ALDOB: variants seen among roughly 807,000 people sequenced by gnomAD.
ALDOB encodes fructose-bisphosphate aldolase B.
In ALDOB, 39 loss-of-function variants were observed where a neutral mutation model predicts 41.0. That is an observed-to-expected ratio of 0.95 (90% CI 0.74 to 1.24). The LOEUF (loss-of-function observed/expected upper bound fraction) is 1.24. ALDOB is among the 50% of genes most tolerant of loss of function. The probability of loss-of-function intolerance (pLI) is 0.00; values close to 1 mark genes in which losing one functional copy is unlikely to be tolerated. For missense variants in ALDOB, 530 were observed against 457.3 expected (o/e 1.16, Z -1.45); for synonymous variants, 175 against 168.8 (o/e 1.04, Z -0.28).
At position 101,430,798 on chromosome 9, in the gene ALDOB, G is replaced by A; in HGVS notation, c.90C>T (p.Ile30=). ...AQSIVANGKG[I]LAADESVGTM... ...CACCTACAGATTCATCTGCAGCCAG[G>A]ATCCCCTTTCCATTGGCAACAATGC... The change falls in exon 2 of 9, where the codon ATC becomes ATT. Residue 30 remains isoleucine (I), a synonymous_variant. Coordinates refer to ENST00000647789, the MANE Select transcript of ALDOB (RefSeq NM_000035.4). 6.2e-7 allele frequency: 1 copy of A among 1,613,666 alleles called. No homozygotes were observed. Among genetic ancestry groups the A allele is most frequent in the Non-Finnish European group, 8.5e-7 (1 of 1,179,566 alleles).
At chr9:101,428,632 A>T in intron 3 of ALDOB, 109 bp from the exon 4 acceptor site, 1 of 989,204 alleles carries the variant, frequency 1.0e-6, no homozygotes, top group Non-Finnish European at 1.6e-6. Flanking sequence ...TGAATTAGTA[A>T]AGTGTATTAG....
At chr9:101,423,821 C>A (rs1365527489) in intron 8 of ALDOB, among the ~76,000 whole-genome samples, 2 of 152,172 alleles carry the variant, frequency 1.3e-5, no homozygotes, top group Non-Finnish European at 2.9e-5. Flanking sequence ...TCCTATTTGG[C>A]TAAACTCCAA....
At chr9:101,428,155 A>G (rs543875011) in intron 4 of ALDOB, among the ~76,000 whole-genome samples, 2 of 152,216 alleles carry the variant, frequency 1.3e-5, no homozygotes, top group South Asian at 2.1e-4. Context: ...TCTAAAAATA[A>G]TACTTCCGGG....
chr9:101,420,682 G>C lies in ALDOB; in HGVS notation c.*1127C>G, dbSNP rs1401852383. ...TTTCTTAACCCATCAGTTTTAAGTAGTATTCCTGACTCTCTTTGCTTTCTT... is the reference window on the plus strand; with the variant it reads ...TTTCTTAACCCATCAGTTTTAAGTACTATTCCTGACTCTCTTTGCTTTCTT... On this transcript the variant is annotated 3_prime_UTR_variant, in exon 9 of 9. Transcript: ENST00000647789. The C allele has an allele frequency of 2.0e-5, 3 of 152,080 alleles. No individual in the cohort carries two copies. The highest frequency in any genetic ancestry group is 7.2e-5 in the African/African-American group (3 of 41,406). 9.4% of individuals were successfully genotyped at this position (152,080 alleles called of 1,614,324 possible). A position where few individuals can be genotyped will look rare whatever the true frequency, so the allele number is the denominator to read the frequency against.
chr9:101,429,702 C>T (rs1386924330), intron 3 of ALDOB, 53 bp downstream of exon 3: 12 of 1,544,438 alleles, frequency 7.8e-6, no homozygotes, highest in Non-Finnish European at 1.1e-5. Context: ...TGCCAGTGTG[C>T]TTGGAGTTTG....
At chr9:101,431,787 T>C (rs1470163621) in intron 1 of ALDOB, among the ~76,000 whole-genome samples, 1 of 152,094 alleles carries the variant, frequency 6.6e-6, no homozygotes, top group African/African-American at 2.4e-5. Flanking sequence ...AAAGAAAAAA[T>C]GGTAATGAAG....
chr9:101,433,446 G>A (rs1472600827), intron 1 of ALDOB, among the ~76,000 whole-genome samples: 1 of 152,194 alleles, frequency 6.6e-6, no homozygotes, highest in Non-Finnish European at 1.5e-5. Flanking sequence ...CAGGGTCACA[G>A]GCCAATGTTC....
At chr9:101,424,821 A>G (rs1295007407) in intron 8 of ALDOB, 22 bp downstream of exon 8, 19 of 1,611,866 alleles carry the variant, frequency 1.2e-5, no homozygotes, top group Non-Finnish European at 1.5e-5. Flanking sequence ...CATCAAGTAG[A>G]TAAGAGGTGG....
chr9:101,425,411 T>G, intron 7 of ALDOB, 42 bp downstream of exon 7: 2 of 1,607,992 alleles, frequency 1.2e-6, no homozygotes, highest in Non-Finnish European at 1.7e-6. Flanking sequence ...CTCCAAAGAA[T>G]GAGGGCTAAG....
At position 101,433,458 on chromosome 9, in the gene ALDOB, C is replaced by T. The variant is rs568060456; in HGVS notation, c.-11+2251G>A. Among the ~76,000 whole-genome samples the T allele has an allele frequency of 4.9e-4, 75 of 152,264 alleles. No individual in the cohort carries two copies. In the South Asian group the frequency reaches 0.011, roughly 22 times the overall value. On this transcript the variant is annotated intron_variant, in intron 1 of 8. Transcript: ENST00000647789. ...AAACAGGGTCACAGGCCAATGTTCA[C>T]CACAAGGAGACAGGAGGACAACCTG... is the stretch of plus-strand genomic sequence containing the variant.
chr9:101,429,043 C>T (rs1312357769), intron 3 of ALDOB, among the ~76,000 whole-genome samples: 3 of 151,998 alleles, frequency 2.0e-5, no homozygotes, highest in Non-Finnish European at 4.4e-5. Flanking sequence ...ATTGGAAGAC[C>T]TAGTTATAAG....
chr9:101,430,435 T>C (rs1430275702), intron 2 of ALDOB, among the ~76,000 whole-genome samples: 1 of 152,236 alleles, frequency 6.6e-6, no homozygotes, highest in Non-Finnish European at 1.5e-5. Context: ...CCTGCCCTTC[T>C]TGACTCAACT....
Position 101,430,889 on chromosome 9 carries a change from G to A in ALDOB, c.-2C>T, listed in dbSNP as rs754398460. ...GAGGGCTGGAAATCGGTGGGCCATG[G>A]TGACAGGTCTGGAAAAGAGTGTGCG... On this transcript the variant is annotated 5_prime_UTR_variant, in exon 2 of 9. Transcript: ENST00000647789. The A allele has an allele frequency of 4.3e-6, 7 of 1,611,260 alleles. No homozygotes were observed. In the South Asian group the frequency reaches 5.5e-5, roughly 13 times the overall value.
chr9:101,422,978 TTGA>T (rs1180445480), intron 8 of ALDOB, among the ~76,000 whole-genome samples: 1 of 152,170 alleles, frequency 6.6e-6, no homozygotes, highest in Non-Finnish European at 1.5e-5. Context: ...AGCACCATCC[TTGA>T]TGATAAACTC....
Position 101,429,917 on chromosome 9 carries a change from C to G in ALDOB, c.162G>C (p.Glu54Asp), listed in dbSNP as rs2854709. 2.5e-6 allele frequency: 4 copies of G among 1,614,000 alleles called. No homozygotes were observed. In the African/African-American group the frequency reaches 4.0e-5, roughly 16 times the overall value. Residue 54 changes from glutamate to aspartate, a missense_variant, in exon 3 of 9, where the codon GAG becomes GAC. Coordinates refer to ENST00000647789, the MANE Select transcript of ALDOB (RefSeq NM_000035.4). The part of the protein sequence containing the change: ...LQRIKVENTE[E>D]NRRQFREILF... ...GGATTTCTCGGAACTGCCGGCGGTT[C>G]TCTTCAGTGTTTTCCACCTTGATCC...
At chr9:101,435,110 G>C (rs539896254) in intron 1 of ALDOB, among the ~76,000 whole-genome samples, 1 of 152,258 alleles carries the variant, frequency 6.6e-6, no homozygotes, top group Admixed American at 6.5e-5. Flanking sequence ...AACATGAAGG[G>C]TTTGGAAATT....
At chr9:101,426,720 T>C (rs1040761224) in intron 5 of ALDOB, 82 bp from the exon 6 acceptor site, 28 of 857,938 alleles carry the variant, frequency 3.3e-5, no homozygotes, top group South Asian at 2.9e-4. Flanking sequence ...ACAGTTGCAA[T>C]TGGTATAAAT....
At position 101,427,636 on chromosome 9, in the gene ALDOB, T is replaced by C; in HGVS notation, c.386A>G (p.Asp129Gly). Reference protein sequence around the residue: ...TNKETTIQGLDGLSERCAQYK... With the variant: ...TNKETTIQGLGGLSERCAQYK... ...CTGAGCACAGCGCTCTGAGAGGCCA[T>C]CAAGCCCTGCAAGTCACAAAAGAGA... is the stretch of plus-strand genomic sequence containing the variant. The change falls in exon 5 of 9, where the codon GAT (aspartate) becomes GGT (glycine). Residue 129 changes from aspartate to glycine, a missense_variant. Coordinates refer to ENST00000647789, the MANE Select transcript of ALDOB (RefSeq NM_000035.4). 1 of 1,614,104 alleles carries C rather than the reference T, an allele frequency of 6.2e-7. No individual in the cohort carries two copies. Among genetic ancestry groups the C allele is most frequent in the Non-Finnish European group, 8.5e-7 (1 of 1,180,020 alleles).
At chr9:101,421,956 C>G (rs1831054380) in intron 8 of ALDOB, 52 bp from the exon 9 acceptor site, 2 of 1,474,924 alleles carry the variant, frequency 1.4e-6, no homozygotes, top group East Asian at 4.5e-5. Context: ...GTGACCCCAC[C>G]TTGACCCTGT....
Sources: allele counts gnomAD v4.1 joint callset (sites outside exome capture counted in the v4.1 genomes callset), GRCh38; gene constraint gnomAD v4.1.1; transcripts MANE v1.5; gene names NCBI Gene and HGNC (gene_info 2026-07-23, HGNC 2026-07-21).